The following RARB variants were observed in gnomAD, a reference collection of about 807,000 sequenced individuals.
RARB encodes retinoic acid receptor beta.
Under a neutral mutation model 51.9 loss-of-function variants are expected in RARB, and 17 were observed. The ratio of observed to expected loss-of-function variants is 0.33; its 90% CI spans 0.22 to 0.49. The LOEUF (loss-of-function observed/expected upper bound fraction) is 0.49. Among genes scored for constraint, RARB ranks in the 20% least tolerant of loss-of-function variants. The pLI is 0.99. For missense variants in RARB, 369 were observed against 550.8 expected, an observed-to-expected ratio of 0.67 and a Z score of 3.30; for synonymous variants, 215 against 195.4, an observed-to-expected ratio of 1.10 and a Z score of -0.84.
chr3:24,976,134 A>G (rs184187351), intron 2 of RARB, among the ~76,000 whole-genome samples: 1,795 of 152,172 alleles, frequency 0.012, 19 homozygotes, highest in Non-Finnish European at 0.018. Flanking sequence ...ATTCCATGGT[A>G]TATATGTGCC....
At chr3:25,032,087 A>G (rs1213282509) in intron 2 of RARB, among the ~76,000 whole-genome samples, 1 of 152,192 alleles carries the variant, frequency 6.6e-6, no homozygotes, top group Admixed American at 6.5e-5. Flanking sequence ...CCATTGAGCT[A>G]AAATTATTTT....
chr3:25,152,593 T>G (rs1700305007), intron 4 of RARB, among the ~76,000 whole-genome samples: 1 of 152,186 alleles, frequency 6.6e-6, no homozygotes, highest in African/African-American at 2.4e-5. Flanking sequence ...TGTGTTTATA[T>G]ATAATACACA....
chr3:25,519,285 T>C (rs1698303344), intron 3 of RARB, among the ~76,000 whole-genome samples: 1 of 151,166 alleles, frequency 6.6e-6, no homozygotes, highest in Non-Finnish European at 1.5e-5. Flanking sequence ...GGTATAGACC[T>C]AAGAGTGAAA....
chr3:25,463,705 C>T lies in RARB; in HGVS notation c.306+2364C>T, dbSNP rs533978556. Among the ~76,000 whole-genome samples, 5 of 152,008 alleles carry T rather than the reference C, an allele frequency of 3.3e-5. No homozygotes were observed. In the South Asian group the frequency reaches 6.3e-4, roughly 19 times the overall value. On this transcript the variant is annotated intron_variant, in intron 2 of 7. Transcript: ENST00000330688. The stretch of plus-strand genomic sequence containing the variant: ...GTACAAATGCGTAAATGTCACTCAG[C>T]CCCTCAAAGTAATTTTGTGAGTTTT...
At chr3:25,529,856 G>A (rs1030640019) in intron 3 of RARB, among the ~76,000 whole-genome samples, 5 of 152,148 alleles carry the variant, frequency 3.3e-5, no homozygotes, top group Admixed American at 6.5e-5. Flanking sequence ...TATACCTTAT[G>A]TATAACTTAT....
rs187977184 is a variant in RARB, at chr3:25,114,405, A to T, written c.-327-17756A>T. On this transcript the variant is annotated intron_variant, in intron 3 of 11. Transcript: ENST00000383772. ...ATTGAGAGTTTTCACTAGTTTGAAG[A>T]TGCTCTGAAAGTATCCTTGAGTTAA... Among the ~76,000 whole-genome samples the T allele has an allele frequency of 3.2e-3, 481 of 151,938 alleles. 3 individuals carry two copies. The East Asian group carries it at 0.036, about 11-fold the overall frequency.
chr3:24,885,940 C>T (rs978563024), intron 2 of RARB, among the ~76,000 whole-genome samples: 1 of 152,150 alleles, frequency 6.6e-6, no homozygotes, highest in South Asian at 2.1e-4. Context: ...ATGCCACCTA[C>T]TCATATATTA....
intron 2 of RARB, among the ~76,000 whole-genome samples, chr3:24,868,272 T>C (rs1446545597): frequency 5.9e-5 from 9 of 152,264 alleles, no homozygotes; most frequent in African/African-American, 1.7e-4. Flanking sequence ...ATAATTAATG[T>C]AATACACAAC....
At chr3:25,025,551 G>A (rs951429877) in intron 2 of RARB, among the ~76,000 whole-genome samples, 1 of 152,092 alleles carries the variant, frequency 6.6e-6, no homozygotes, top group Non-Finnish European at 1.5e-5. Flanking sequence ...GAAACTATAA[G>A]TTACAGTAGT....
At chr3:25,468,462 G>A (rs1021290829) in intron 2 of RARB, among the ~76,000 whole-genome samples, 1 of 141,784 alleles carries the variant, frequency 7.1e-6, no homozygotes, top group Non-Finnish European at 1.5e-5. Flanking sequence ...ACATTTTATA[G>A]ATGAGGTAAC....
At chr3:25,166,158 T>C (rs538547924) in intron 4 of RARB, among the ~76,000 whole-genome samples, 2 of 152,230 alleles carry the variant, frequency 1.3e-5, no homozygotes, top group South Asian at 4.1e-4. Context: ...AAGAAATGCC[T>C]CTTTTTGGCC....
At chr3:24,893,630 G>A (rs1330837789) in intron 2 of RARB, among the ~76,000 whole-genome samples, 1 of 151,936 alleles carries the variant, frequency 6.6e-6, no homozygotes, top group Non-Finnish European at 1.5e-5. Context: ...TGATCCTCCT[G>A]TCTCTACCTC....
At chr3:24,846,383 T>A (rs1702486067) in intron 1 of RARB, among the ~76,000 whole-genome samples, 1 of 152,194 alleles carries the variant, frequency 6.6e-6, no homozygotes, top group African/African-American at 2.4e-5. Context: ...TTTAAAAAAA[T>A]TCCAGGAGAA....
At position 25,525,306 on chromosome 3, in the gene RARB, G is replaced by A. The variant is rs547988811; in HGVS notation, c.448+23983G>A. The stretch of plus-strand genomic sequence containing the variant: ...TGAAAGTGTGGTGTCATTTTGAGGG[G>A]AGAGGCAGAGGACAGAAGGGGCAGA... On this transcript the variant is annotated intron_variant, in intron 3 of 7. Coordinates refer to ENST00000330688, the MANE Select transcript of RARB (RefSeq NM_000965.5). Among the ~76,000 whole-genome samples the A allele has an allele frequency of 7.2e-4, 110 of 152,304 alleles. 1 individual carries two copies. Among genetic ancestry groups the A allele is most frequent in the African/African-American group, 2.5e-3 (102 of 41,572 alleles).
intron 3 of RARB, among the ~76,000 whole-genome samples, chr3:25,503,986 C>G (rs1361127821): frequency 6.6e-6 from 1 of 152,182 alleles, no homozygotes; most frequent in African/African-American, 2.4e-5. Flanking sequence ...AATCGGCCAC[C>G]TCTCCTCCCC....
At chr3:25,180,906 C>A (rs547840432) in intron 5 of RARB, among the ~76,000 whole-genome samples, 12 of 152,152 alleles carry the variant, frequency 7.9e-5, no homozygotes, top group African/African-American at 2.6e-4. Context: ...TTTTTTTAAC[C>A]TTGCCATGAA....
chr3:25,256,783 T>C (rs1553597646), intron 5 of RARB, among the ~76,000 whole-genome samples: 1 of 151,682 alleles, frequency 6.6e-6, no homozygotes, highest in Non-Finnish European at 1.5e-5. Flanking sequence ...ACGTGTATAA[T>C]GATGAAAGAT....
intron 3 of RARB, among the ~76,000 whole-genome samples, chr3:25,124,290 C>G (rs1023777360): frequency 6.6e-6 from 1 of 152,146 alleles, no homozygotes; most frequent in Non-Finnish European, 1.5e-5. Flanking sequence ...AGGAGGATCA[C>G]TTGAACCCAG....
intron 3 of RARB, among the ~76,000 whole-genome samples, chr3:25,564,783 G>C (rs1443895261): frequency 6.6e-6 from 1 of 152,034 alleles, no homozygotes; most frequent in Non-Finnish European, 1.5e-5. Context: ...TCCTCTCTTT[G>C]CCTCTCCATT....
Sources: gnomAD v4.1 joint callset for allele counts (sites outside exome capture counted in the v4.1 genomes callset) on GRCh38, gnomAD v4.1.1 for gene constraint, MANE v1.5 for transcripts, NCBI Gene and HGNC (gene_info 2026-07-23, HGNC 2026-07-21) for gene names.